Variants in TFEB observed in about 807,000 individuals in gnomAD.
TFEB encodes the protein T-cell transcription factor EB.
TFEB carries 12 observed loss-of-function variants against 48.0 expected under a neutral mutation model. That is an observed-to-expected ratio of 0.25 (90% CI 0.16 to 0.40). The LOEUF (loss-of-function observed/expected upper bound fraction) is 0.40, where lower values mean the gene tolerates loss of function less well. Among genes scored for constraint, TFEB ranks in the 10% least tolerant of loss-of-function variants. The pLI is 1.00. For missense variants in TFEB, 509 were observed against 640.3 expected, an observed-to-expected ratio of 0.79 and a Z score of 2.21; for synonymous variants, 244 against 261.4, an observed-to-expected ratio of 0.93 and a Z score of 0.64.
chr6:41,718,345 A>C (rs1669482624), intron 1 of TFEB, among the ~76,000 whole-genome samples: 1 of 152,030 alleles, frequency 6.6e-6, no homozygotes, highest in Non-Finnish European at 1.5e-5. Context: ...CATAGCTGGG[A>C]CTACAGGCAT....
rs1771093450 is a variant in TFEB, at chr6:41,723,826, C to T, written c.-23+11524G>A. The T allele has an allele frequency of 2.4e-6, 1 of 423,860 alleles. No homozygotes were observed. The highest frequency in any genetic ancestry group is 4.8e-6 in the Non-Finnish European group (1 of 209,718). 26.3% of individuals were successfully genotyped at this position (423,860 alleles called of 1,614,324 possible). ...ATGGCCGCCCTGACCCCAGCCTGACCTCAGAGGGCCCTAGGCAGATGGAGA... is the reference window on the plus strand; with the variant it reads ...ATGGCCGCCCTGACCCCAGCCTGACTTCAGAGGGCCCTAGGCAGATGGAGA... On this transcript the variant is annotated intron_variant, in intron 1 of 8. Transcript: ENST00000373033. This position sits in a 1 kb window ranked among gnomAD's most constrained non-coding sequence, Gnocchi z 6.0.
At chr6:41,727,379 C>T (rs992976323) in intron 1 of TFEB, among the ~76,000 whole-genome samples, 8 of 151,952 alleles carry the variant, frequency 5.3e-5, no homozygotes, top group South Asian at 2.1e-4. Flanking sequence ...CAGAGGGTGG[C>T]GGAGGGTGGA....
chr6:41,698,800 G>C (rs1240477873), intron 1 of TFEB, among the ~76,000 whole-genome samples: 2 of 152,126 alleles, frequency 1.3e-5, no homozygotes, highest in Non-Finnish European at 2.9e-5. Context: ...GAAGGGAAGA[G>C]AGAAAAAAAT....
At chr6:41,718,434 A>C (rs1770831304) in intron 1 of TFEB, among the ~76,000 whole-genome samples, 1 of 151,944 alleles carries the variant, frequency 6.6e-6, no homozygotes, top group Non-Finnish European at 1.5e-5. Context: ...GCTGGTCTTG[A>C]ACTCCTAGGC....
At chr6:41,711,360 T>A (rs1770467390) in intron 1 of TFEB, among the ~76,000 whole-genome samples, 1 of 152,076 alleles carries the variant, frequency 6.6e-6, no homozygotes, top group Non-Finnish European at 1.5e-5. Context: ...GGGCTCAACG[T>A]CCCCACCGCT....
chr6:41,723,722 C>A lies in TFEB; in HGVS notation c.-23+11628G>T. On this transcript the variant is annotated intron_variant, in intron 1 of 8. Transcript: ENST00000373033. This position sits in a 1 kb window ranked among gnomAD's most constrained non-coding sequence, Gnocchi z 6.0. Reference sequence around the variant, plus strand: ...GCACAGTCCCACACCGCAGCCTACCCAACACAGACTGCTTCAATCTCACCC... The same window carrying A: ...GCACAGTCCCACACCGCAGCCTACCAAACACAGACTGCTTCAATCTCACCC... The A allele has an allele frequency of 2.6e-6, 1 of 386,484 alleles. No individual in the cohort carries two copies. The highest frequency in any genetic ancestry group is 4.9e-6 in the Non-Finnish European group (1 of 203,766). 23.9% of individuals were successfully genotyped at this position (386,484 alleles called of 1,614,324 possible). A position where few individuals can be genotyped will look rare whatever the true frequency, so the allele number is the denominator to read the frequency against.
chr6:41,696,666 C>T (rs1481919613), intron 1 of TFEB, among the ~76,000 whole-genome samples: 1 of 152,026 alleles, frequency 6.6e-6, no homozygotes, highest in Non-Finnish European at 1.5e-5. Context: ...TGCACTCTAG[C>T]CTGGGTGACA....
Position 41,723,781 on chromosome 6 carries a change from C to T in TFEB, c.-23+11569G>A. 2.7e-6 allele frequency: 1 copy of T among 373,350 alleles called. No homozygotes were observed. Among genetic ancestry groups the T allele is most frequent in the South Asian group, 2.0e-5 (1 of 50,668 alleles). The allele number at this position is 373,350 out of a possible 1,614,324, so 23.1% of individuals were successfully genotyped here. ...CCAGGCGCCCACAGCGCTCCTTGGT[C>T]CTCCCACAGGAGGCCTCTCATGGCC... On this transcript the variant is annotated intron_variant, in intron 1 of 8. Coordinates refer to ENST00000373033, the MANE Select transcript of TFEB (RefSeq NM_001271944.2). The surrounding 1 kb of genome is among the most constrained non-coding windows in gnomAD (Gnocchi z 6.0).
rs375944227 is a variant in TFEB at position 41,684,782 on chromosome 6, G to A, written c.1248C>T (p.Pro416=). ...EDEGPPGYPE[P]LAPGHGSPFP... ...ATGGGGAGCCATGCCCCGGCGCCAG[G>A]GGTTCGGGGTAGCCCGGGGGACCCT... Residue 416 remains proline (P), a synonymous_variant, in exon 9 of 9, where the codon CCC becomes CCT. Transcript: ENST00000373033. The A allele has an allele frequency of 2.4e-5, 38 of 1,610,144 alleles. No homozygotes were observed. Among genetic ancestry groups the A allele is most frequent in the Non-Finnish European group, 3.1e-5 (37 of 1,178,368 alleles).
At chr6:41,700,573 A>T (rs1581897900) in intron 1 of TFEB, among the ~76,000 whole-genome samples, 1 of 152,028 alleles carries the variant, frequency 6.6e-6, no homozygotes, top group African/African-American at 2.4e-5. Context: ...GCAGAGCAAG[A>T]CCCCAGGATG....
At chr6:41,711,777 AT>A (rs1770490689) in intron 1 of TFEB, among the ~76,000 whole-genome samples, 2 of 152,330 alleles carry the variant, frequency 1.3e-5, no homozygotes, top group African/African-American at 2.4e-5. Flanking sequence ...CAAAAGGGTC[AT>A]GTCTGGGCAC....
At chr6:41,721,372 T>TACACACACACACACACAC (rs58269771) in intron 1 of TFEB, among the ~76,000 whole-genome samples, 5 of 144,698 alleles carry the variant, frequency 3.5e-5, no homozygotes, top group African/African-American at 1.3e-4. Context: ...TAGGCACACA[T>TACACACACACACACACAC]ACACACACAC....
intron 1 of TFEB, among the ~76,000 whole-genome samples, chr6:41,706,601 A>G (rs973746785): frequency 6.6e-6 from 1 of 151,412 alleles, no homozygotes; most frequent in African/African-American, 2.4e-5. Context: ...GCTGCCCTAG[A>G]CCCAGAATTC....
At chr6:41,714,192 T>C (rs980291806) in intron 1 of TFEB, among the ~76,000 whole-genome samples, 3 of 151,642 alleles carry the variant, frequency 2.0e-5, no homozygotes, top group Admixed American at 2.0e-4. Flanking sequence ...TGCATGTGCA[T>C]GCATGTGCGT....
At chr6:41,728,271 C>T (rs894416254) in intron 1 of TFEB, among the ~76,000 whole-genome samples, 3 of 152,218 alleles carry the variant, frequency 2.0e-5, no homozygotes, top group Non-Finnish European at 2.9e-5. Flanking sequence ...TGCCAGGTAC[C>T]TCTGATGTGC....
At chr6:41,686,621 T>C in intron 7 of TFEB, 1 of 223,956 alleles carries the variant, frequency 4.5e-6, no homozygotes, top group Non-Finnish European at 8.9e-6. Context: ...GTTCAATCAA[T>C]TCTCCTGTCT....
At position 41,724,731 on chromosome 6, in the gene TFEB, T is replaced by C. The variant is rs1325379254; in HGVS notation, c.-23+10619A>G. ...ATCCAGCTAAGGACAAAGTTGGAAA[T>C]GTTTTTGTCCTGGGCCCCAAGGCTC... On this transcript the variant is annotated intron_variant, in intron 1 of 8. Coordinates refer to ENST00000373033, the MANE Select transcript of TFEB (RefSeq NM_001271944.2). The surrounding 1 kb of genome is among the most constrained non-coding windows in gnomAD (Gnocchi z 4.4). Among the ~76,000 whole-genome samples, 1 of 152,096 alleles carries C rather than the reference T, an allele frequency of 6.6e-6. No homozygotes were observed. Among genetic ancestry groups the C allele is most frequent in the Non-Finnish European group, 1.5e-5 (1 of 68,002 alleles).
rs777293168 is a variant in TFEB at position 41,687,186 on chromosome 6, C to T, written c.728-17G>A. On this transcript the variant is annotated splice_polypyrimidine_tract_variant and intron_variant, in intron 6 of 8. Coordinates refer to ENST00000373033, the MANE Select transcript of TFEB (RefSeq NM_001271944.2). Reference sequence around the variant, plus strand: ...TCCTTTCAACTAAAGGTAACAGATTCCAGAAGGAGCAATTAGAGGGATGGG... The same window carrying T: ...TCCTTTCAACTAAAGGTAACAGATTTCAGAAGGAGCAATTAGAGGGATGGG... 3.6e-5 allele frequency: 58 copies of T among 1,613,566 alleles called. 1 individual carries two copies. The South Asian group carries it at 6.3e-4, about 17-fold the overall frequency.
chr6:41,720,022 G>A lies in TFEB; in HGVS notation c.-23+15328C>T, dbSNP rs1770910893. 6.6e-6 allele frequency among the ~76,000 whole-genome samples: 1 copy of A among 152,192 alleles called. No homozygotes were observed. The highest frequency in any genetic ancestry group is 2.4e-5 in the African/African-American group (1 of 41,446). On this transcript the variant is annotated intron_variant, in intron 1 of 8. Coordinates refer to ENST00000373033, the MANE Select transcript of TFEB (RefSeq NM_001271944.2). This position sits in a 1 kb window ranked among gnomAD's most constrained non-coding sequence, Gnocchi z 4.1. ...TAGCACAGCGCTGGCACACAGGAGT[G>A]CCAATATATGTGACCTGTCATTAAA...
Sources: allele counts gnomAD v4.1 joint callset (sites outside exome capture counted in the v4.1 genomes callset), GRCh38; gene constraint gnomAD v4.1.1; non-coding constraint Gnocchi (gnomAD v3.1); transcripts MANE v1.5; gene names NCBI Gene and HGNC (gene_info 2026-07-23, HGNC 2026-07-21).